MAF: variants seen among roughly 807,000 people sequenced by gnomAD.
MAF encodes the protein MAF bZIP transcription factor.
A neutral mutation model predicts 22.0 loss-of-function variants in MAF; 10 were observed. That is an observed-to-expected ratio of 0.45 (90% confidence interval 0.28 to 0.77). MAF has a LOEUF of 0.77. Among genes scored for constraint, MAF ranks in the 30% least tolerant of loss-of-function variants. The pLI, the probability that MAF is intolerant of heterozygous loss-of-function variation, is 0.12. For synonymous variants in MAF, 337 were observed against 255.8 expected (o/e 1.32, Z -3.03); for missense variants, 544 against 548.4 (o/e 0.99, Z 0.08).
chr16:79,599,813 A>C lies in MAF; in HGVS notation c.90T>G (p.Phe30Leu). 1.2e-6 allele frequency: 2 copies of C among 1,612,756 alleles called. No homozygotes were observed. The highest frequency in any genetic ancestry group is 2.2e-5 in the South Asian group (2 of 91,066). Reference protein sequence around the residue: ...EYVNDFDLMKFEVKKEPVETD... With the variant: ...EYVNDFDLMKLEVKKEPVETD... ...TCTCCACCGGTTCCTTTTTCACTTC[A>C]AACTTCATCAGATCGAAGTCATTAA... The change falls in exon 1 of 2, where the codon TTT (phenylalanine) becomes TTG (leucine). Residue 30 changes from phenylalanine to leucine, a missense_variant. Phe to Leu is a conservative substitution (Grantham distance 22). Coordinates refer to ENST00000326043, the MANE Select transcript of MAF (RefSeq NM_005360.5).
Position 79,595,746 on chromosome 16 carries a change from G to A in MAF, c.1119-1193C>T, listed in dbSNP as rs902801627. Reference sequence around the variant, plus strand: ...GGTATTATTTTTTGCTTTTATTTCTGGGGATAGCATGATCTGAAATCATTA... The same window carrying A: ...GGTATTATTTTTTGCTTTTATTTCTAGGGATAGCATGATCTGAAATCATTA... On this transcript the variant is annotated intron_variant, in intron 1 of 1. Transcript: ENST00000326043. The A allele has an allele frequency of 1.1e-5, 12 of 1,056,676 alleles. No individual in the cohort carries two copies. The African/African-American group carries it at 1.7e-4, about 15-fold the overall frequency. The allele number at this position is 1,056,676 out of a possible 1,614,324, so 65.5% of individuals were successfully genotyped here.
the MAF span, among the ~76,000 whole-genome samples, chr16:79,294,993 T>C: frequency 6.6e-6 from 1 of 151,020 alleles, no homozygotes; most frequent in Admixed American, 6.6e-5. Flanking sequence ...GAAAACAGTC[T>C]ACTTCCCCCT....
chr16:79,568,111 G>A, the MAF span, among the ~76,000 whole-genome samples: 1 of 152,186 alleles, frequency 6.6e-6, no homozygotes, highest in African/African-American at 2.4e-5. Context: ...TGTTGGGGGT[G>A]GGGGAAGAGG....
chr16:79,600,157 T>A lies in MAF; in HGVS notation c.-255A>T. 1 of 396,780 alleles carries A rather than the reference T, an allele frequency of 2.5e-6. No individual in the cohort carries two copies. Among genetic ancestry groups the A allele is most frequent in the Non-Finnish European group, 4.3e-6 (1 of 231,280 alleles). 24.6% of individuals were successfully genotyped at this position (396,780 alleles called of 1,614,324 possible). On this transcript the variant is annotated 5_prime_UTR_variant, in exon 1 of 2. Transcript: ENST00000326043. ...GTGCTCCCTCGCTCGCCCCGGCCCC[T>A]CCTTGCTCGCTCGCCTCCTTGCGCG...
rs1913962668 is a variant in MAF at position 79,600,400 on chromosome 16, T to A, written c.-498A>T. ...CTCGGGGCTGGAGGCGCGGCGGGCG[T>A]CTGTCCGGGCGGCGCGGGCCTTGGC... On this transcript the variant is annotated 5_prime_UTR_variant, in exon 1 of 2. Coordinates refer to ENST00000326043, the MANE Select transcript of MAF (RefSeq NM_005360.5). 1 of 196,882 alleles carries A rather than the reference T, an allele frequency of 5.1e-6. No homozygotes were observed. Among genetic ancestry groups the A allele is most frequent in the Non-Finnish European group, 1.2e-5 (1 of 86,294 alleles). 12.2% of individuals were successfully genotyped at this position (196,882 alleles called of 1,614,324 possible). A position where few individuals can be genotyped will look rare whatever the true frequency, so the allele number is the denominator to read the frequency against.
At chr16:79,243,080 G>C in the MAF span, among the ~76,000 whole-genome samples, 4 of 151,954 alleles carry the variant, frequency 2.6e-5, no homozygotes, top group African/African-American at 7.2e-5. Flanking sequence ...TAACCAGCTA[G>C]TCCACAAGAG....
chr16:79,341,511 G>C, the MAF span, among the ~76,000 whole-genome samples: 1 of 152,156 alleles, frequency 6.6e-6, no homozygotes, highest in Non-Finnish European at 1.5e-5. Context: ...ATTAGCCACA[G>C]TGGAATATTT....
At chr16:79,598,586 GT>G (rs1913730533) in intron 1 of MAF, 198 bp downstream of exon 1, 13 of 1,346,042 alleles carry the variant, frequency 9.7e-6, no homozygotes, top group Non-Finnish European at 1.3e-5. Flanking sequence ...TGTGGGGTGT[GT>G]GTGTGTGTGT....
the MAF span, among the ~76,000 whole-genome samples, chr16:79,399,416 G>A: frequency 3.3e-5 from 5 of 152,306 alleles, no homozygotes; most frequent in South Asian, 8.3e-4. Context: ...AGTAGGGTTG[G>A]CTGGAAAAGT....
chr16:79,300,281 G>A, the MAF span, among the ~76,000 whole-genome samples: 1 of 152,156 alleles, frequency 6.6e-6, no homozygotes, highest in Non-Finnish European at 1.5e-5. Context: ...TCTTGACCAG[G>A]CGCGGTGGCT....
chr16:79,381,626 G>C, the MAF span, among the ~76,000 whole-genome samples: 3 of 152,174 alleles, frequency 2.0e-5, no homozygotes, highest in African/African-American at 7.2e-5. Flanking sequence ...TTTAATGGCT[G>C]TCACTCTGTC....
At chr16:79,437,138 C>CTG in the MAF span, among the ~76,000 whole-genome samples, 95 of 21,710 alleles carry the variant, frequency 4.4e-3, no homozygotes, top group East Asian at 0.24. Flanking sequence ...AGAAAGCTCT[C>CTG]TCTCTCTCTG....
chr16:79,348,174 G>A, the MAF span, among the ~76,000 whole-genome samples: 1 of 152,258 alleles, frequency 6.6e-6, no homozygotes, highest in Non-Finnish European at 1.5e-5. Flanking sequence ...GGGGAAAGAA[G>A]TTCTGAATTT....
the MAF span, among the ~76,000 whole-genome samples, chr16:79,362,813 G>A: frequency 1.3e-5 from 2 of 152,198 alleles, no homozygotes; most frequent in African/African-American, 4.8e-5. Flanking sequence ...CTCCAGACCT[G>A]CTCAAAGCAA....
the MAF span, among the ~76,000 whole-genome samples, chr16:79,399,625 T>G: frequency 6.6e-6 from 1 of 152,058 alleles, no homozygotes; most frequent in Non-Finnish European, 1.5e-5. Context: ...AGGGGTGTTT[T>G]TGAGGGATAG....
the MAF span, among the ~76,000 whole-genome samples, chr16:79,504,135 G>T: frequency 3.9e-5 from 6 of 152,154 alleles, no homozygotes; most frequent in African/African-American, 1.4e-4. Flanking sequence ...TTCACCTTCT[G>T]TTTGGGCCAT....
the MAF span, among the ~76,000 whole-genome samples, chr16:79,482,327 G>T: frequency 6.6e-6 from 1 of 152,154 alleles, no homozygotes; most frequent in Non-Finnish European, 1.5e-5. Context: ...GGAGAGCAAA[G>T]CTTTGGCACC....
chr16:79,322,316 G>A, the MAF span, among the ~76,000 whole-genome samples: 10 of 152,134 alleles, frequency 6.6e-5, no homozygotes, highest in African/African-American at 2.4e-4. Flanking sequence ...TCGGCACTCA[G>A]GGGGTCACCA....
chr16:79,492,567 G>C, the MAF span, among the ~76,000 whole-genome samples: 10 of 151,978 alleles, frequency 6.6e-5, no homozygotes, highest in East Asian at 1.4e-3. Flanking sequence ...GTCACCAAAA[G>C]ACACATATGG....
Sources: gnomAD v4.1 joint callset for allele counts (sites outside exome capture counted in the v4.1 genomes callset) on GRCh38, gnomAD v4.1.1 for gene constraint, MANE v1.5 for transcripts, NCBI Gene and HGNC (gene_info 2026-07-23, HGNC 2026-07-21) for gene names.